PCDHB15: variants seen among roughly 807,000 people sequenced by gnomAD.
PCDHB15 encodes protocadherin beta 15.
For synonymous variants in PCDHB15, 492 were observed against 447.9 expected, an observed-to-expected ratio of 1.10 and a Z score of -1.24; for missense variants, 1,032 against 991.7, an observed-to-expected ratio of 1.04 and a Z score of -0.55.
Position 141,248,865 on chromosome 5 carries a change from A to G in PCDHB15, c.*923A>G, listed in dbSNP as rs1755339551. The G allele has an allele frequency of 6.6e-6, 1 of 152,216 alleles. No homozygotes were observed. Among genetic ancestry groups the G allele is most frequent in the African/African-American group, 2.4e-5 (1 of 41,462 alleles). 9.4% of individuals were successfully genotyped at this position (152,216 alleles called of 1,614,324 possible). A position where few individuals can be genotyped will look rare whatever the true frequency, so the allele number is the denominator to read the frequency against. ...AAAGAAAATACATTGTAGAATTAAT[A>G]TTAGTTAACCAAACAAAATTTATTA... is the stretch of plus-strand genomic sequence containing the variant. On this transcript the variant is annotated 3_prime_UTR_variant, in exon 1 of 1. Transcript: ENST00000231173.
At position 141,247,667 on chromosome 5, in the gene PCDHB15, G is replaced by T. The variant is rs1554292296; in HGVS notation, c.2089G>T (p.Val697Leu). ...CTACCTGGTGGTGGCATTGGCCTCG[G>T]TGTCTTCGCTCTTCCTCTTCTCGGT... is the stretch of plus-strand genomic sequence containing the variant. ...TVYLVVALAS[V>L]SSLFLFSVFL... Residue 697 changes from valine (V) to leucine (L), a missense_variant, in exon 1 of 1, where the codon GTG (valine) becomes TTG (leucine). Transcript: ENST00000231173. The T allele has an allele frequency of 1.9e-6, 3 of 1,610,338 alleles. No homozygotes were observed. The highest frequency in any genetic ancestry group is 1.1e-5 in the South Asian group (1 of 91,026).
In PCDHB15 at chr5:141,245,707, T is replaced by C. The variant is rs1241906145; in HGVS notation, c.129T>C (p.Ser43=). ...YSVMEETERG[S]FVANLANDLG... Reference sequence around the variant, plus strand: ...TGATGGAGGAAACAGAGAGAGGTTCTTTTGTAGCCAACCTGGCCAATGACC... The same window carrying C: ...TGATGGAGGAAACAGAGAGAGGTTCCTTTGTAGCCAACCTGGCCAATGACC... The change falls in exon 1 of 1, where the codon TCT becomes TCC. Residue 43 remains serine (S), a synonymous_variant. Coordinates refer to ENST00000231173, the MANE Select transcript of PCDHB15 (RefSeq NM_018935.4). The C allele has an allele frequency of 6.2e-7, 1 of 1,614,072 alleles. No individual in the cohort carries two copies. The highest frequency in any genetic ancestry group is 2.2e-5 in the East Asian group (1 of 44,898).
Position 141,247,445 on chromosome 5 carries a change from G to C in PCDHB15, c.1867G>C (p.Glu623Gln). 6.2e-7 allele frequency: 1 copy of C among 1,607,264 alleles called. No individual in the cohort carries two copies. The highest frequency in any genetic ancestry group is 8.5e-7 in the Non-Finnish European group (1 of 1,179,624). Residue 623 changes from glutamate (E) to glutamine (Q), a missense_variant, in exon 1 of 1, where the codon GAG (glutamate) becomes CAG (glutamine). Glu to Gln is a conservative substitution (Grantham distance 29, BLOSUM62 2). Coordinates refer to ENST00000231173, the MANE Select transcript of PCDHB15 (RefSeq NM_018935.4). ...GTTCGGCGTGTGGGCGCACAATGGCGAGGTGCGCACCGCCAGGCTGCTGAG... is the reference window on the plus strand; with the variant it reads ...GTTCGGCGTGTGGGCGCACAATGGCCAGGTGCGCACCGCCAGGCTGCTGAG... ...GLFGVWAHNG[E>Q]VRTARLLSER... is the part of the protein sequence containing the mutation.
chr5:141,246,220 G>C lies in PCDHB15; in HGVS notation c.642G>C (p.Ala214=), dbSNP rs200048407. The C allele has an allele frequency of 7.4e-6, 12 of 1,614,146 alleles. No individual in the cohort carries two copies. Among genetic ancestry groups the C allele is most frequent in the Non-Finnish European group, 9.3e-6 (11 of 1,180,010 alleles). The change falls in exon 1 of 1, where the codon GCG becomes GCC. Residue 214 remains alanine (A), a synonymous_variant. Transcript: ENST00000231173. Reference sequence around the variant, plus strand: ...CCGAGCTCAGATTAACCTTGACAGCGGTGGACGGTGGCTCTCCACCCCGAT... The same window carrying C: ...CCGAGCTCAGATTAACCTTGACAGCCGTGGACGGTGGCTCTCCACCCCGAT... The part of the protein sequence containing the change: ...EQAELRLTLT[A]VDGGSPPRSG...
chr5:141,245,791 C>A lies in PCDHB15; in HGVS notation c.213C>A (p.Asn71Lys). 1 of 1,614,132 alleles carries A rather than the reference C, an allele frequency of 6.2e-7. No homozygotes were observed. The change falls in exon 1 of 1, where the codon AAC (asparagine) becomes AAA (lysine). Residue 71 changes from asparagine to lysine, a missense_variant. By Grantham distance (94) the Asn-to-Lys change is moderately conservative. Transcript: ENST00000231173. ...ERGARVVSED[N>K]EQGLQLDLQT... ...GAGCCCGGGTAGTTTCTGAGGATAA[C>A]GAACAAGGCTTGCAGCTTGATCTGC...
Position 141,248,035 on chromosome 5 carries a change from T to C in PCDHB15, c.*93T>C. 2 of 1,255,292 alleles carry C rather than the reference T, an allele frequency of 1.6e-6. No individual in the cohort carries two copies. Among genetic ancestry groups the C allele is most frequent in the South Asian group, 1.8e-5 (1 of 56,796 alleles). 77.8% of individuals were successfully genotyped at this position (1,255,292 alleles called of 1,614,324 possible). The stretch of plus-strand genomic sequence containing the variant: ...TTAACCCTTTAGTAATCTTGAATTC[T>C]ACTTTTTTTTAAATTTCTACTGTTG... On this transcript the variant is annotated 3_prime_UTR_variant, in exon 1 of 1. Transcript: ENST00000231173.
At position 141,247,770 on chromosome 5, in the gene PCDHB15, C is replaced by T. The variant is rs782418910; in HGVS notation, c.2192C>T (p.Pro731Leu). 2.5e-6 allele frequency: 4 copies of T among 1,614,188 alleles called. No individual in the cohort carries two copies. The highest frequency in any genetic ancestry group is 1.1e-5 in the South Asian group (1 of 91,084). The change falls in exon 1 of 1, where the codon CCC becomes CTC. Residue 731 changes from proline to leucine, a missense_variant. Coordinates refer to ENST00000231173, the MANE Select transcript of PCDHB15 (RefSeq NM_018935.4). Reference protein sequence around the residue: ...SVGRCSVPEGPFPGHLVDVSG... With the variant: ...SVGRCSVPEGLFPGHLVDVSG... ...GGTCGCTGCTCGGTGCCCGAGGGCCCCTTTCCAGGGCATCTGGTGGACGTG... is the reference window on the plus strand; with the variant it reads ...GGTCGCTGCTCGGTGCCCGAGGGCCTCTTTCCAGGGCATCTGGTGGACGTG...
Position 141,246,970 on chromosome 5 carries a change from C to T in PCDHB15, c.1392C>T (p.Asn464=), listed in dbSNP as rs200694159. ...ACACCCTGTTCGTCCGCGAGAACAA[C>T]AGCCCCGCCCTGCACATCGGCAGTG... ...TSYTLFVREN[N]SPALHIGSVS... is the part of the protein sequence containing the mutation. Residue 464 remains asparagine (N), a synonymous_variant, in exon 1 of 1, where the codon AAC becomes AAT. Transcript: ENST00000231173. 61 of 1,613,354 alleles carry T rather than the reference C, an allele frequency of 3.8e-5. No homozygotes were observed. In the East Asian group the frequency reaches 1.3e-3, roughly 34 times the overall value.
Position 141,247,406 on chromosome 5 carries a change from A to C in PCDHB15, c.1828A>C (p.Thr610Pro). 6.2e-7 allele frequency: 1 copy of C among 1,605,666 alleles called. No individual in the cohort carries two copies. The highest frequency in any genetic ancestry group is 1.1e-5 in the South Asian group (1 of 90,902). ...GCTGTCGTACCAGCTGCTCAAGGCC[A>C]CGGAGCCCGGGCTGTTCGGCGTGTG... is the stretch of plus-strand genomic sequence containing the variant. The part of the protein sequence containing the change: ...AWLSYQLLKA[T>P]EPGLFGVWAH... The change falls in exon 1 of 1, where the codon ACG (threonine) becomes CCG (proline). Residue 610 changes from threonine (T) to proline (P), a missense_variant. Thr to Pro is a conservative substitution (Grantham distance 38). Transcript: ENST00000231173.
Position 141,246,360 on chromosome 5 carries a change from T to A in PCDHB15, c.782T>A (p.Val261Asp), listed in dbSNP as rs1402607402. 4 of 1,613,976 alleles carry A rather than the reference T, an allele frequency of 2.5e-6. No individual in the cohort carries two copies. The highest frequency in any genetic ancestry group is 3.4e-6 in the Non-Finnish European group (4 of 1,179,966). ...VPENSPVGSL[V>D]VKVSARDLDT... ...GAGAACAGCCCAGTAGGCTCCCTAG[T>A]TGTCAAGGTCTCTGCTAGGGATTTA... The change falls in exon 1 of 1, where the codon GTT becomes GAT. Residue 261 changes from valine to aspartate, a missense_variant. Coordinates refer to ENST00000231173, the MANE Select transcript of PCDHB15 (RefSeq NM_018935.4).
rs781820286 is a variant in PCDHB15 at position 141,247,530 on chromosome 5, C to G, written c.1952C>G (p.Pro651Arg). The G allele has an allele frequency of 1.2e-6, 2 of 1,608,432 alleles. No homozygotes were observed. The highest frequency in any genetic ancestry group is 1.7e-6 in the Non-Finnish European group (2 of 1,179,736). ...CTGGTCAAGGACAATGGCGAGCCTC[C>G]GCGCTCGGCCACCGCCACGCTGCAA... ...VVLVKDNGEPPRSATATLQVL... is the reference protein window; with the variant it reads ...VVLVKDNGEPRRSATATLQVL... Residue 651 changes from proline to arginine, a missense_variant, in exon 1 of 1, where the codon CCG (proline) becomes CGG (arginine). Pro to Arg is a moderately radical substitution (Grantham distance 103). Transcript: ENST00000231173.
chr5:141,245,968 T>G lies in PCDHB15; in HGVS notation c.390T>G (p.Ser130=). ...TAGTGACAGACATAAACGATCATTC[T>G]CCTGAGTTTCCTGAAAGAGAAATGA... The part of the protein sequence containing the change: ...ELLVTDINDH[S]PEFPEREMTL... Residue 130 remains serine, a synonymous_variant, in exon 1 of 1, where the codon TCT becomes TCG. Coordinates refer to ENST00000231173, the MANE Select transcript of PCDHB15 (RefSeq NM_018935.4). The G allele has an allele frequency of 6.2e-7, 1 of 1,614,128 alleles. No individual in the cohort carries two copies. Among genetic ancestry groups the G allele is most frequent in the Non-Finnish European group, 8.5e-7 (1 of 1,180,036 alleles).
rs1564027520 is a variant in PCDHB15, at chr5:141,248,287, T to A, written c.*345T>A. 1 of 173,390 alleles carries A rather than the reference T, an allele frequency of 5.8e-6. No individual in the cohort carries two copies. The highest frequency in any genetic ancestry group is 6.5e-5 in the Admixed American group (1 of 15,454). 10.7% of individuals were successfully genotyped at this position (173,390 alleles called of 1,614,324 possible). On this transcript the variant is annotated 3_prime_UTR_variant, in exon 1 of 1. Coordinates refer to ENST00000231173, the MANE Select transcript of PCDHB15 (RefSeq NM_018935.4). ...TAAGAATGTATGATTTTTGAAGTCATATTTTAAGTTTTTTTTATAGTTTTT... is the reference window on the plus strand; with the variant it reads ...TAAGAATGTATGATTTTTGAAGTCAAATTTTAAGTTTTTTTTATAGTTTTT...
At position 141,246,285 on chromosome 5, in the gene PCDHB15, A is replaced by G. The variant is rs781968813; in HGVS notation, c.707A>G (p.Asn236Ser). ...ATCCTCATCTTGGTCTTGGACGCCA[A>G]TGACAATGCCCCGGAGTTTGTGCAG... The part of the protein sequence containing the change: ...VQILILVLDA[N>S]DNAPEFVQAL... Residue 236 changes from asparagine to serine, a missense_variant, in exon 1 of 1, where the codon AAT (asparagine) becomes AGT (serine). Physicochemically the swap from Asn to Ser is conservative, Grantham distance 46. Coordinates refer to ENST00000231173, the MANE Select transcript of PCDHB15 (RefSeq NM_018935.4). 9 of 1,614,040 alleles carry G rather than the reference A, an allele frequency of 5.6e-6. No individual in the cohort carries two copies. Among genetic ancestry groups the G allele is most frequent in the East Asian group, 4.5e-5 (2 of 44,886 alleles).
In PCDHB15 at chr5:141,246,289, CAA is replaced by C. The variant is rs1194684360; in HGVS notation, c.712_713del (p.Asn238CysfsTer29). On this transcript the variant is annotated frameshift_variant, in exon 1 of 1. Coordinates refer to ENST00000231173, the MANE Select transcript of PCDHB15 (RefSeq NM_018935.4). LOFTEE classifies it low-confidence loss of function (END_TRUNC). ...TCATCTTGGTCTTGGACGCCAATGA[CAA>C]TGCCCCGGAGTTTGTGCAGGCGCTC... ...ILILVLDAND[N>X]APEFVQALYE... is the part of the protein sequence containing the mutation. 12 of 1,614,016 alleles carry C rather than the reference CAA, an allele frequency of 7.4e-6. No homozygotes were observed. The highest frequency in any genetic ancestry group is 1.7e-5 in the Admixed American group (1 of 60,002).
At position 141,246,613 on chromosome 5, in the gene PCDHB15, G is replaced by A. The variant is rs1554291969; in HGVS notation, c.1035G>A (p.Pro345=). The part of the protein sequence containing the change: ...VKVLDVNDNF[P]ELSISSLTSP... ...TGCTGGATGTTAACGATAACTTCCC[G>A]GAACTAAGTATTTCATCACTTACCA... is the stretch of plus-strand genomic sequence containing the variant. Residue 345 remains proline (P), a synonymous_variant, in exon 1 of 1, where the codon CCG becomes CCA. Transcript: ENST00000231173. 10 of 1,614,144 alleles carry A rather than the reference G, an allele frequency of 6.2e-6. No homozygotes were observed. The highest frequency in any genetic ancestry group is 1.1e-5 in the South Asian group (1 of 91,086).
chr5:141,249,162 T>C lies in PCDHB15; in HGVS notation c.*1220T>C, dbSNP rs782428390. 3 of 152,202 alleles carry C rather than the reference T, an allele frequency of 2.0e-5. No homozygotes were observed. Among genetic ancestry groups the C allele is most frequent in the South Asian group, 2.1e-4 (1 of 4,836 alleles). The allele number at this position is 152,202 out of a possible 1,614,324, so 9.4% of individuals were successfully genotyped here. The stretch of plus-strand genomic sequence containing the variant: ...CTCCTAGATAATCTGGGTGGGTCTA[T>C]TTCAATCAGTGGAAAGGCCATAAAA... On this transcript the variant is annotated 3_prime_UTR_variant, in exon 1 of 1. Transcript: ENST00000231173.
Position 141,246,224 on chromosome 5 carries a change from G to T in PCDHB15, c.646G>T (p.Asp216Tyr). Reference sequence around the variant, plus strand: ...GCTCAGATTAACCTTGACAGCGGTGGACGGTGGCTCTCCACCCCGATCTGG... The same window carrying T: ...GCTCAGATTAACCTTGACAGCGGTGTACGGTGGCTCTCCACCCCGATCTGG... ...AELRLTLTAV[D>Y]GGSPPRSGTV... The change falls in exon 1 of 1, where the codon GAC (aspartate) becomes TAC (tyrosine). Residue 216 changes from aspartate to tyrosine, a missense_variant. Coordinates refer to ENST00000231173, the MANE Select transcript of PCDHB15 (RefSeq NM_018935.4). 3 of 1,614,216 alleles carry T rather than the reference G, an allele frequency of 1.9e-6. No individual in the cohort carries two copies. Among genetic ancestry groups the T allele is most frequent in the Non-Finnish European group, 2.5e-6 (3 of 1,180,042 alleles).
chr5:141,248,024 A>G lies in PCDHB15; in HGVS notation c.*82A>G. Reference sequence around the variant, plus strand: ...CTTAGTTTTTTTTAACCCTTTAGTAATCTTGAATTCTACTTTTTTTTAAAT... The same window carrying G: ...CTTAGTTTTTTTTAACCCTTTAGTAGTCTTGAATTCTACTTTTTTTTAAAT... On this transcript the variant is annotated 3_prime_UTR_variant, in exon 1 of 1. Coordinates refer to ENST00000231173, the MANE Select transcript of PCDHB15 (RefSeq NM_018935.4). 7.4e-7 allele frequency: 1 copy of G among 1,345,952 alleles called. No homozygotes were observed. The highest frequency in any genetic ancestry group is 1.0e-6 in the Non-Finnish European group (1 of 997,788). The allele number at this position is 1,345,952 out of a possible 1,614,324, so 83.4% of individuals were successfully genotyped here.
Sources: gnomAD v4.1 joint callset for allele counts on GRCh38, gnomAD v4.1.1 for gene constraint, MANE v1.5 for transcripts, NCBI Gene and HGNC (gene_info 2026-07-23, HGNC 2026-07-21) for gene names.